Variants in SNX2 observed in about 807,000 individuals in gnomAD.
SNX2 encodes sorting nexin 2.
A neutral mutation model predicts 69.9 loss-of-function variants in SNX2; 25 were observed. The observed-to-expected ratio is 0.36, with a 90% CI of 0.26 to 0.50. SNX2 has a LOEUF of 0.50. Ranked by LOEUF, SNX2 falls within the 20% of genes least tolerant of loss-of-function variation. The pLI is 0.97. For synonymous variants in SNX2, 229 were observed against 200.4 expected (o/e 1.14, Z -1.20); for missense variants, 551 against 613.3 (o/e 0.90, Z 1.07).
intron 12 of SNX2, among the ~76,000 whole-genome samples, chr5:122,827,117 G>A (rs1483574953): frequency 6.6e-6 from 1 of 151,974 alleles, no homozygotes; most frequent in Non-Finnish European, 1.5e-5. Context: ...ATTTAATTAA[G>A]CTTTGGACAT....
At position 122,782,828 on chromosome 5, in the gene SNX2, C is replaced by A. The variant is rs145374685; in HGVS notation, c.108+7617C>A. Among the ~76,000 whole-genome samples the A allele has an allele frequency of 2.2e-3, 331 of 152,322 alleles. 1 individual carries two copies. The highest frequency in any genetic ancestry group is 7.5e-3 in the African/African-American group (310 of 41,574). ...TTGGGATTACAGGCGTGAGCTATTGCACCTGACCTGTTTTGCTCATTTAAA... is the reference window on the plus strand; with the variant it reads ...TTGGGATTACAGGCGTGAGCTATTGAACCTGACCTGTTTTGCTCATTTAAA... On this transcript the variant is annotated intron_variant, in intron 1 of 14. Transcript: ENST00000379516.
chr5:122,778,485 G>C (rs191071737), intron 1 of SNX2, among the ~76,000 whole-genome samples: 1 of 151,994 alleles, frequency 6.6e-6, no homozygotes, highest in Admixed American at 6.5e-5. Flanking sequence ...GCTAGCATTT[G>C]TTATTTTTTG....
intron 8 of SNX2, among the ~76,000 whole-genome samples, chr5:122,816,607 T>C (rs1232305328): frequency 6.6e-6 from 1 of 152,126 alleles, no homozygotes; most frequent in Non-Finnish European, 1.5e-5. Context: ...AGGTGGCCAG[T>C]GTTAGGGTAC....
Position 122,827,332 on chromosome 5 carries a change from A to G in SNX2, c.1357-47A>G, listed in dbSNP as rs78785748. ...TTAAGTGAGTGGTCTTGACAGTACT[A>G]TACTTTTTTTTGAGATAAGCATAAA... On this transcript the variant is annotated intron_variant, in intron 12 of 14. Transcript: ENST00000379516. 468 of 1,504,634 alleles carry G rather than the reference A, an allele frequency of 3.1e-4. 3 individuals carry two copies. In the African/African-American group the frequency reaches 5.8e-3, roughly 19 times the overall value. 93.2% of individuals were successfully genotyped at this position (1,504,634 alleles called of 1,614,324 possible).
Position 122,833,426 on chromosome 5 carries a change from A to C in SNX2, c.*3778A>C, listed in dbSNP as rs1754338815. On this transcript the variant is annotated 3_prime_UTR_variant, in exon 15 of 15. Coordinates refer to ENST00000379516, the MANE Select transcript of SNX2 (RefSeq NM_003100.4). ...TACAGCCAAATGTTAAAAAGTAAAAAACAATTTTAATAATCCAGTAGCTCC... is the reference window on the plus strand; with the variant it reads ...TACAGCCAAATGTTAAAAAGTAAAACACAATTTTAATAATCCAGTAGCTCC... The C allele has an allele frequency of 6.6e-6, 1 of 152,334 alleles. No homozygotes were observed. The allele number at this position is 152,334 out of a possible 1,614,324, so 9.4% of individuals were successfully genotyped here. A position where few individuals can be genotyped will look rare whatever the true frequency, so the allele number is the denominator to read the frequency against.
intron 14 of SNX2, among the ~76,000 whole-genome samples, chr5:122,829,394 G>A (rs748741020): frequency 3.3e-5 from 5 of 151,676 alleles, no homozygotes; most frequent in East Asian, 2.0e-4. Context: ...TAGTAGAGAC[G>A]GGGTTTCACC....
At position 122,799,672 on chromosome 5, in the gene SNX2, C is replaced by G; in HGVS notation, c.227-20C>G. ...TTTGCTTGCCAGTGTTCTTAACTAACTTGTTTAATCTATGTCTAGAAGCCA... is the reference window on the plus strand; with the variant it reads ...TTTGCTTGCCAGTGTTCTTAACTAAGTTGTTTAATCTATGTCTAGAAGCCA... On this transcript the variant is annotated intron_variant, in intron 2 of 14. Coordinates refer to ENST00000379516, the MANE Select transcript of SNX2 (RefSeq NM_003100.4). 1.3e-6 allele frequency: 2 copies of G among 1,596,810 alleles called. No individual in the cohort carries two copies. Among genetic ancestry groups the G allele is most frequent in the Non-Finnish European group, 1.7e-6 (2 of 1,171,400 alleles).
chr5:122,775,059 C>T (rs1046447458), upstream of SNX2: 5 of 1,539,042 alleles, frequency 3.2e-6, no homozygotes, highest in Non-Finnish European at 3.5e-6. Flanking sequence ...GCTCACGTGA[C>T]GGGTCCGCGA....
intron 1 of SNX2, among the ~76,000 whole-genome samples, chr5:122,790,204 C>T (rs909760323): frequency 2.6e-5 from 4 of 152,224 alleles, no homozygotes; most frequent in African/African-American, 7.2e-5. Flanking sequence ...CTGCAACCTC[C>T]GCCTCCTGGG....
At chr5:122,788,097 T>C (rs1753133321) in intron 1 of SNX2, among the ~76,000 whole-genome samples, 1 of 152,226 alleles carries the variant, frequency 6.6e-6, no homozygotes, top group Admixed American at 6.5e-5. Context: ...TATTCTTAAT[T>C]TGTACTTCAT....
Position 122,807,872 on chromosome 5 carries a change from T to C in SNX2, c.644-405T>C, listed in dbSNP as rs189478285. Reference sequence around the variant, plus strand: ...ATCCCAAAGTAAAGAATTTTAATTATTGCTCATGAGAAATGAAAATGTTAA... The same window carrying C: ...ATCCCAAAGTAAAGAATTTTAATTACTGCTCATGAGAAATGAAAATGTTAA... On this transcript the variant is annotated intron_variant, in intron 6 of 14. Transcript: ENST00000379516. Among the ~76,000 whole-genome samples the C allele has an allele frequency of 6.1e-3, 927 of 152,322 alleles. 4 individuals carry two copies. The highest frequency in any genetic ancestry group is 0.01 in the Middle Eastern group (3 of 294).
intron 2 of SNX2, among the ~76,000 whole-genome samples, chr5:122,798,967 TC>T (rs149816553): frequency 0.015 from 2,261 of 152,282 alleles, 21 homozygotes; most frequent in Non-Finnish European, 0.019. Context: ...TGTCTTGTTT[TC>T]CCCAACTAAA....
chr5:122,786,365 C>A (rs1753088632), intron 1 of SNX2, among the ~76,000 whole-genome samples: 1 of 152,044 alleles, frequency 6.6e-6, no homozygotes, highest in African/African-American at 2.4e-5. Context: ...TAGATTAGAT[C>A]TACCGTTTTA....
chr5:122,816,930 A>G lies in SNX2; in HGVS notation c.814A>G (p.Asn272Asp). 1 of 1,610,868 alleles carries G rather than the reference A, an allele frequency of 6.2e-7. No homozygotes were observed. Among genetic ancestry groups the G allele is most frequent in the Non-Finnish European group, 8.5e-7 (1 of 1,177,282 alleles). Residue 272 changes from asparagine (N) to aspartate (D), a missense_variant, in exon 9 of 15, where the codon AAT becomes GAT. This residue lies in a region of SNX2 where 360 missense variants were observed against 450.4 expected (regional missense o/e 0.80). Transcript: ENST00000379516. The part of the protein sequence containing the change: ...LESSELPRAV[N>D]TQALSGAGIL... Reference sequence around the variant, plus strand: ...TCAATTCCAGCTGCCTAGAGCAGTTAATACACAGGCTCTGAGTGGAGCAGG... The same window carrying G: ...TCAATTCCAGCTGCCTAGAGCAGTTGATACACAGGCTCTGAGTGGAGCAGG...
chr5:122,782,355 C>T (rs969772472), intron 1 of SNX2, among the ~76,000 whole-genome samples: 2 of 151,938 alleles, frequency 1.3e-5, no homozygotes, highest in South Asian at 2.1e-4. Flanking sequence ...TCTCCTGCCT[C>T]GGCCTCCTGA....
At position 122,816,950 on chromosome 5, in the gene SNX2, A is replaced by C; in HGVS notation, c.834A>C (p.Gly278=). ...CAGTTAATACACAGGCTCTGAGTGG[A>C]GCAGGAATATTGAGGATGGTGAACA... ...PRAVNTQALS[G]AGILRMVNKA... is the part of the protein sequence containing the mutation. The change falls in exon 9 of 15, where the codon GGA becomes GGC. Residue 278 remains glycine (G), a synonymous_variant. Coordinates refer to ENST00000379516, the MANE Select transcript of SNX2 (RefSeq NM_003100.4). 1.2e-6 allele frequency: 2 copies of C among 1,613,608 alleles called. No individual in the cohort carries two copies. Among genetic ancestry groups the C allele is most frequent in the South Asian group, 1.1e-5 (1 of 91,066 alleles).
chr5:122,775,928 C>T (rs1752847735), intron 1 of SNX2, among the ~76,000 whole-genome samples: 1 of 152,122 alleles, frequency 6.6e-6, no homozygotes, highest in South Asian at 2.1e-4. Flanking sequence ...GATCTCCACT[C>T]CTTTTTCCTC....
intron 11 of SNX2, among the ~76,000 whole-genome samples, chr5:122,825,371 C>T (rs901061736): frequency 2.9e-4 from 44 of 152,040 alleles, no homozygotes; most frequent in Admixed American, 2.5e-3. Flanking sequence ...TCTCTATTCA[C>T]TTGCCCTTGC....
At chr5:122,809,398 G>C (rs957653824) in intron 7 of SNX2, among the ~76,000 whole-genome samples, 1 of 152,138 alleles carries the variant, frequency 6.6e-6, no homozygotes, top group African/African-American at 2.4e-5. Flanking sequence ...ATTTCCTATA[G>C]CTTTGAAGAC....
Sources: gnomAD v4.1 joint callset for allele counts (sites outside exome capture counted in the v4.1 genomes callset) on GRCh38, gnomAD v4.1.1 for gene constraint, gnomAD v4.1.1 regional missense constraint, MANE v1.5 for transcripts, NCBI Gene and HGNC (gene_info 2026-07-23, HGNC 2026-07-21) for gene names.